PARN: variants seen among roughly 807,000 people sequenced by gnomAD.
The protein encoded by PARN is poly(A)-specific ribonuclease.
A neutral mutation model predicts 102.8 loss-of-function variants in PARN; 71 were observed. That is an observed-to-expected ratio of 0.69 (90% CI 0.57 to 0.84). PARN has a LOEUF of 0.84. Among genes scored for constraint, PARN ranks in the 40% least tolerant of loss-of-function variants. PARN has a pLI of 0.00. For synonymous variants in PARN, 261 were observed against 252.9 expected, an observed-to-expected ratio of 1.03 and a Z score of -0.30; for missense variants, 782 against 760.9, an observed-to-expected ratio of 1.03 and a Z score of -0.33.
chr16:14,620,617 G>A (rs1235702748), intron 5 of PARN, among the ~76,000 whole-genome samples: 1 of 152,136 alleles, frequency 6.6e-6, no homozygotes, highest in Non-Finnish European at 1.5e-5. Context: ...TGAAGGACAT[G>A]GTAACAAACA....
chr16:14,623,611 T>C (rs1596914642), intron 5 of PARN, among the ~76,000 whole-genome samples: 1 of 150,928 alleles, frequency 6.6e-6, no homozygotes, highest in African/African-American at 2.4e-5. Flanking sequence ...CCAAGGCGGG[T>C]GGATCACCTG....
intron 6 of PARN, among the ~76,000 whole-genome samples, chr16:14,613,905 G>C (rs2151802187): frequency 6.6e-6 from 1 of 152,196 alleles, no homozygotes; most frequent in East Asian, 1.9e-4. Context: ...TGCTGAAATA[G>C]GTACCAGAGC....
intron 21 of PARN, among the ~76,000 whole-genome samples, chr16:14,499,069 T>A (rs1964456945): frequency 6.6e-6 from 1 of 152,380 alleles, no homozygotes; most frequent in East Asian, 1.9e-4. Context: ...TTGTTGTTTC[T>A]GCTTTTAAAT....
At chr16:14,567,393 C>T (rs1309834646) in intron 18 of PARN, among the ~76,000 whole-genome samples, 2 of 152,072 alleles carry the variant, frequency 1.3e-5, no homozygotes, top group East Asian at 1.9e-4. Flanking sequence ...TTTTTAAAGA[C>T]GTATTTCCTG....
At chr16:14,611,950 A>T (rs1971541814) in intron 6 of PARN, among the ~76,000 whole-genome samples, 1 of 152,116 alleles carries the variant, frequency 6.6e-6, no homozygotes, top group Non-Finnish European at 1.5e-5. Flanking sequence ...GCAGCCATAC[A>T]CAAAATGTAC....
At chr16:14,478,303 CT>C (rs1963184878) in intron 22 of PARN, among the ~76,000 whole-genome samples, 1 of 152,112 alleles carries the variant, frequency 6.6e-6, no homozygotes, top group Non-Finnish European at 1.5e-5. Context: ...GCAACAGACC[CT>C]GTCTCAGAAA....
chr16:14,489,667 G>A lies in PARN; in HGVS notation c.1481-6840C>T, dbSNP rs990550880. Among the ~76,000 whole-genome samples, 14 of 152,254 alleles carry A rather than the reference G, an allele frequency of 9.2e-5. 1 individual carries two copies. In the South Asian group the frequency reaches 1.5e-3, roughly 16 times the overall value. The stretch of plus-strand genomic sequence containing the variant: ...CAGATGCCAGACTTCAGCCTTGCTC[G>A]GTGGCTAAGGGCATTTTTGCAGTCT... On this transcript the variant is annotated intron_variant, in intron 21 of 23. Coordinates refer to ENST00000437198, the MANE Select transcript of PARN (RefSeq NM_002582.4).
chr16:14,575,708 T>G (rs1969088643), intron 18 of PARN, among the ~76,000 whole-genome samples: 1 of 152,136 alleles, frequency 6.6e-6, no homozygotes, highest in South Asian at 2.1e-4. Flanking sequence ...GAAATAAGAC[T>G]TTGGGGGACT....
At chr16:14,505,909 A>T (rs1359356167) in intron 21 of PARN, among the ~76,000 whole-genome samples, 1 of 152,240 alleles carries the variant, frequency 6.6e-6, no homozygotes, top group African/African-American at 2.4e-5. Flanking sequence ...CTGCTGGATG[A>T]AAGATTACTG....
intron 21 of PARN, among the ~76,000 whole-genome samples, chr16:14,489,828 T>G (rs1038299338): frequency 6.6e-6 from 1 of 152,230 alleles, no homozygotes; most frequent in Non-Finnish European, 1.5e-5. Flanking sequence ...AAACATCAAG[T>G]TCTCAATGTC....
chr16:14,610,559 G>C, intron 7 of PARN, 85 bp downstream of exon 7: 1 of 796,286 alleles, frequency 1.3e-6, no homozygotes, highest in Non-Finnish European at 2.1e-6. Flanking sequence ...TACTATGTTT[G>C]TAAAGCACAG....
intron 18 of PARN, among the ~76,000 whole-genome samples, chr16:14,570,371 C>T (rs1193202364): frequency 2.0e-5 from 3 of 148,158 alleles, no homozygotes; most frequent in African/African-American, 7.5e-5. Flanking sequence ...GAAAGAGGGC[C>T]GGGCCCTGTG....
intron 18 of PARN, among the ~76,000 whole-genome samples, chr16:14,571,746 C>T (rs187200708): frequency 6.6e-6 from 1 of 152,280 alleles, no homozygotes; most frequent in Admixed American, 6.5e-5. Context: ...CTCATTTCAT[C>T]CTCACAACAA....
In PARN at chr16:14,582,284, G is replaced by A. The variant is rs776536066; in HGVS notation, c.1089C>T (p.Ala363=). 7.4e-6 allele frequency: 12 copies of A among 1,611,572 alleles called. No homozygotes were observed. The South Asian group carries it at 7.7e-5, about 10-fold the overall frequency. ...TPFNPPKVES[A]EGFPSYDTAS... is the part of the protein sequence containing the mutation. Reference sequence around the variant, plus strand: ...CTGTGTCATAACTTGGAAAACCTTCGGCACTTTCTAAGAAAAAAAAGGAAA... The same window carrying A: ...CTGTGTCATAACTTGGAAAACCTTCAGCACTTTCTAAGAAAAAAAAGGAAA... The change falls in exon 17 of 24, where the codon GCC becomes GCT. Residue 363 remains alanine (A), a synonymous_variant. Transcript: ENST00000437198.
intron 13 of PARN, among the ~76,000 whole-genome samples, chr16:14,591,029 C>T (rs986262822): frequency 7.2e-5 from 11 of 152,084 alleles, no homozygotes; most frequent in East Asian, 5.8e-4. Flanking sequence ...GCAGGAGGAC[C>T]GCTTGAGCCC....
At chr16:14,468,501 A>G (rs1962505533) in intron 22 of PARN, among the ~76,000 whole-genome samples, 1 of 152,086 alleles carries the variant, frequency 6.6e-6, no homozygotes, top group African/African-American at 2.4e-5. Flanking sequence ...AAGGAGCAAG[A>G]ATAGCTTGTA....
intron 9 of PARN, among the ~76,000 whole-genome samples, chr16:14,607,900 T>C (rs1971294990): frequency 6.6e-6 from 1 of 152,154 alleles, no homozygotes; most frequent in African/African-American, 2.4e-5. Context: ...TTCAGGGGAT[T>C]CACAGACCTC....
intron 21 of PARN, among the ~76,000 whole-genome samples, chr16:14,529,694 C>CA (rs1966213593): frequency 6.6e-6 from 1 of 152,162 alleles, no homozygotes; most frequent in African/African-American, 2.4e-5. Context: ...CAACCACTCC[C>CA]ACTGGTACTC....
In PARN at chr16:14,555,709, C is replaced by A. The variant is rs1967641563; in HGVS notation, c.1263G>T (p.Lys421Asn). The part of the protein sequence containing the change: ...RSKLIEPFFN[K>N]LFLMRVMDIP... Reference sequence around the variant, plus strand: ...TATCCATGACCCTCATAAGAAATAACCTACAAGAAGAAAAGACAAACAAGT... The same window carrying A: ...TATCCATGACCCTCATAAGAAATAAACTACAAGAAGAAAAGACAAACAAGT... Residue 421 changes from lysine to asparagine, a missense_variant and splice_region_variant, in exon 19 of 24, where the codon AAG (lysine) becomes AAT (asparagine). Transcript: ENST00000437198. 1 of 1,462,492 alleles carries A rather than the reference C, an allele frequency of 6.8e-7. No individual in the cohort carries two copies. The highest frequency in any genetic ancestry group is 2.1e-5 in the Admixed American group (1 of 48,378). The allele number at this position is 1,462,492 out of a possible 1,614,324, so 90.6% of individuals were successfully genotyped here.
Sources: allele counts gnomAD v4.1 joint callset (sites outside exome capture counted in the v4.1 genomes callset), GRCh38; gene constraint gnomAD v4.1.1; transcripts MANE v1.5; gene names NCBI Gene and HGNC (gene_info 2026-07-23, HGNC 2026-07-21).